Variants in HERC4 observed in about 807,000 individuals in gnomAD.
HERC4 encodes HECT and RLD domain containing E3 ubiquitin protein ligase 4, also known as probable E3 ubiquitin-protein ligase HERC4.
In HERC4, 28 loss-of-function variants were observed where a neutral mutation model predicts 124.3. The ratio of observed to expected loss-of-function variants is 0.23; its 90% CI spans 0.17 to 0.31. The LOEUF is 0.31. Ranked by LOEUF, HERC4 falls within the 10% of genes least tolerant of loss-of-function variation. HERC4 has a pLI of 1.00. For synonymous variants in HERC4, 407 were observed against 421.5 expected (o/e 0.97, Z 0.42); for missense variants, 713 against 1,229.3 (o/e 0.58, Z 6.28).
chr10:68,064,590 AAAAAAG>A (rs1414446198), intron 3 of HERC4, among the ~76,000 whole-genome samples: 11 of 151,160 alleles, frequency 7.3e-5, no homozygotes, highest in African/African-American at 2.4e-4. Flanking sequence ...GAGAGAGAGA[AAAAAAG>A]AAAAAGAAAA....
At chr10:67,954,858 A>AT in intron 18 of HERC4, 105 bp downstream of exon 18, 1 of 1,209,568 alleles carries the variant, frequency 8.3e-7, no homozygotes, top group Non-Finnish European at 1.1e-6. Context: ...AATAAATATA[A>AT]TTTTATTTAT....
At chr10:68,066,203 T>C (rs1314746063) in intron 3 of HERC4, among the ~76,000 whole-genome samples, 1 of 152,240 alleles carries the variant, frequency 6.6e-6, no homozygotes, top group Non-Finnish European at 1.5e-5. Context: ...TTTTGTGTCT[T>C]CAAAGCAGTT....
At chr10:67,926,565 T>C (rs2030999120) in intron 23 of HERC4, among the ~76,000 whole-genome samples, 1 of 152,196 alleles carries the variant, frequency 6.6e-6, no homozygotes, top group South Asian at 2.1e-4. Context: ...TTGGACATAC[T>C]GTTCCCTCAG....
chr10:67,922,745 C>T lies in HERC4; in HGVS notation c.*186G>A. On this transcript the variant is annotated 3_prime_UTR_variant, in exon 25 of 25. Transcript: ENST00000373700. ...GTCAAAAAAAATCCATGGTTCTGTACAATAATATTAACAGTTTGTTCATTT... is the reference window on the plus strand; with the variant it reads ...GTCAAAAAAAATCCATGGTTCTGTATAATAATATTAACAGTTTGTTCATTT... 1 of 462,240 alleles carries T rather than the reference C, an allele frequency of 2.2e-6. No individual in the cohort carries two copies. Among genetic ancestry groups the T allele is most frequent in the South Asian group, 3.7e-5 (1 of 26,750 alleles). The allele number at this position is 462,240 out of a possible 1,614,324, so 28.6% of individuals were successfully genotyped here.
intron 3 of HERC4, among the ~76,000 whole-genome samples, chr10:68,063,335 G>A (rs761359986): frequency 1.8e-4 from 28 of 151,952 alleles, no homozygotes; most frequent in Non-Finnish European, 2.9e-4. Context: ...TCAGCCTCCC[G>A]AGTAGCTGAG....
chr10:67,964,379 T>A (rs1418740665), intron 16 of HERC4, among the ~76,000 whole-genome samples: 1 of 152,140 alleles, frequency 6.6e-6, no homozygotes, highest in Non-Finnish European at 1.5e-5. Flanking sequence ...TTTGTGGATT[T>A]CTCTCCTTTC....
intron 15 of HERC4, 98 bp from the exon 16 acceptor site, chr10:67,966,900 G>A: frequency 2.3e-6 from 2 of 881,674 alleles, no homozygotes; most frequent in South Asian, 2.1e-5. Context: ...TGTCAACCAG[G>A]CTGGAGTGCA....
At chr10:67,933,871 G>A (rs1253625898) in intron 22 of HERC4, among the ~76,000 whole-genome samples, 1 of 152,128 alleles carries the variant, frequency 6.6e-6, no homozygotes, top group Admixed American at 6.5e-5. Flanking sequence ...CTGAGGCATT[G>A]AGACATCAAC....
chr10:67,982,899 G>A (rs190484062), intron 15 of HERC4, among the ~76,000 whole-genome samples: 8 of 152,098 alleles, frequency 5.3e-5, no homozygotes, highest in South Asian at 4.2e-4. Flanking sequence ...AGGCTGAGAC[G>A]GGTGGATCGC....
intron 5 of HERC4, among the ~76,000 whole-genome samples, chr10:68,035,285 T>A (rs1195539093): frequency 2.6e-5 from 4 of 152,078 alleles, no homozygotes; most frequent in African/African-American, 9.7e-5. Flanking sequence ...TCTGAGTAGC[T>A]GGGATTACAG....
intron 9 of HERC4, chr10:67,995,958 C>T (rs1221985826): frequency 3.5e-6 from 1 of 287,856 alleles, no homozygotes; most frequent in East Asian, 1.3e-4. Context: ...GACATCATAT[C>T]TTCCACCTGT....
intron 9 of HERC4, among the ~76,000 whole-genome samples, chr10:67,996,757 G>T (rs192294130): frequency 7.2e-5 from 11 of 151,992 alleles, no homozygotes; most frequent in Admixed American, 7.2e-4. Flanking sequence ...GGCCAAGGTG[G>T]GTGGATCATG....
At chr10:67,974,045 CAA>C (rs11406155) in intron 15 of HERC4, among the ~76,000 whole-genome samples, 2 of 38,474 alleles carry the variant, frequency 5.2e-5, no homozygotes, top group Admixed American at 3.6e-4. Context: ...GACTCTGTCT[CAA>C]AAAAAAAAAA....
chr10:68,031,813 GTGT>G (rs1589375339), intron 7 of HERC4, among the ~76,000 whole-genome samples: 1 of 152,228 alleles, frequency 6.6e-6, no homozygotes, highest in East Asian at 1.9e-4. Context: ...CAGTGCAGTG[GTGT>G]GATCTCAACT....
At chr10:68,019,248 G>A (rs967245454) in intron 8 of HERC4, among the ~76,000 whole-genome samples, 28 of 151,852 alleles carry the variant, frequency 1.8e-4, no homozygotes, top group Non-Finnish European at 1.9e-4. Context: ...CACCCGCCTC[G>A]GCCTCCCAAA....
intron 16 of HERC4, among the ~76,000 whole-genome samples, chr10:67,957,385 C>T (rs1168080533): frequency 6.6e-6 from 1 of 152,108 alleles, no homozygotes; most frequent in Non-Finnish European, 1.5e-5. Flanking sequence ...CTTCATTTAA[C>T]AGATATTGAG....
intron 9 of HERC4, among the ~76,000 whole-genome samples, chr10:68,008,234 G>A (rs1165966299): frequency 6.6e-6 from 1 of 152,188 alleles, no homozygotes; most frequent in Non-Finnish European, 1.5e-5. Flanking sequence ...CCACTGCTAA[G>A]ACTGTGCTAG....
chr10:67,995,370 T>C (rs1021748225), intron 9 of HERC4: 16 of 356,288 alleles, frequency 4.5e-5, no homozygotes, highest in South Asian at 1.8e-4. Flanking sequence ...TATATAGTTA[T>C]CTTATAACAG....
chr10:67,923,166 A>G, intron 24 of HERC4, 27 bp from the exon 25 acceptor site: 1 of 1,572,740 alleles, frequency 6.4e-7, no homozygotes, highest in Non-Finnish European at 8.7e-7. Context: ...CATTCAGTCA[A>G]CCACTTCAAA....
Sources: allele counts gnomAD v4.1 joint callset (sites outside exome capture counted in the v4.1 genomes callset), GRCh38; gene constraint gnomAD v4.1.1; transcripts MANE v1.5; gene names NCBI Gene and HGNC (gene_info 2026-07-23, HGNC 2026-07-21).